SCG5: variants seen among roughly 807,000 people sequenced by gnomAD.
SCG5 encodes secretogranin V.
A neutral mutation model predicts 25.7 loss-of-function variants in SCG5; 18 were observed. That is an observed-to-expected ratio of 0.70 (90% CI 0.48 to 1.04). SCG5 has a LOEUF of 1.04. SCG5 is among the 50% of genes least tolerant of loss of function. The pLI, the probability that SCG5 is intolerant of heterozygous loss-of-function variation, is 0.00. For missense variants in SCG5, 206 were observed against 259.8 expected, an observed-to-expected ratio of 0.79 and a Z score of 1.42; for synonymous variants, 101 against 91.7, an observed-to-expected ratio of 1.10 and a Z score of -0.58.
chr15:32,650,292 G>A (rs1483475148), intron 2 of SCG5, among the ~76,000 whole-genome samples: 3 of 151,942 alleles, frequency 2.0e-5, no homozygotes, highest in East Asian at 1.9e-4. Flanking sequence ...TAGTAGAGAC[G>A]GGGTTTCACC....
intron 4 of SCG5, among the ~76,000 whole-genome samples, chr15:32,690,900 T>A (rs2054839754): frequency 6.7e-6 from 1 of 149,766 alleles, no homozygotes; most frequent in African/African-American, 2.5e-5. Context: ...AAAAATCAAA[T>A]AAATAAAACA....
chr15:32,680,490 G>A (rs1443073726), intron 3 of SCG5, among the ~76,000 whole-genome samples: 3 of 151,646 alleles, frequency 2.0e-5, no homozygotes, highest in Admixed American at 1.3e-4. Context: ...GAGCCACTGC[G>A]CCCGGCCTGC....
rs749576948 is a variant in SCG5 at position 32,696,002 on chromosome 15, GTT to G, written c.544-510_544-509del. 9.8e-5 allele frequency among the ~76,000 whole-genome samples: 15 copies of G among 152,290 alleles called. No individual in the cohort carries two copies. In the East Asian group the frequency reaches 1.2e-3, roughly 12 times the overall value. On this transcript the variant is annotated intron_variant, in intron 5 of 5. Coordinates refer to ENST00000300175, the MANE Select transcript of SCG5 (RefSeq NM_001144757.3). ...TAGAGACATCTATCAGTCAGAAAAT[GTT>G]TCATAGGCCACTGAGGTATTAATTA...
At chr15:32,677,212 C>A (rs1318341993) in intron 2 of SCG5, among the ~76,000 whole-genome samples, 4 of 152,106 alleles carry the variant, frequency 2.6e-5, no homozygotes, top group African/African-American at 7.2e-5. Context: ...CATTACAAAG[C>A]AATGAAATAT....
chr15:32,691,565 A>C (rs2054857345), intron 4 of SCG5, 145 bp from the exon 5 acceptor site: 1 of 692,556 alleles, frequency 1.4e-6, no homozygotes, highest in South Asian at 1.9e-5. Flanking sequence ...TCTTTCTGAC[A>C]CGACATTCCT....
intron 2 of SCG5, among the ~76,000 whole-genome samples, chr15:32,674,020 A>G (rs1335399415): frequency 6.6e-6 from 1 of 152,160 alleles, no homozygotes; most frequent in Non-Finnish European, 1.5e-5. Context: ...CACCCGGCCC[A>G]TTTAATATAG....
chr15:32,654,032 C>G (rs1050281934), intron 2 of SCG5, among the ~76,000 whole-genome samples: 1 of 152,208 alleles, frequency 6.6e-6, no homozygotes, highest in Non-Finnish European at 1.5e-5. Context: ...TGCACAGTGT[C>G]ATGCTTACCC....
chr15:32,645,730 T>G (rs1209496509), intron 2 of SCG5, among the ~76,000 whole-genome samples: 1 of 152,160 alleles, frequency 6.6e-6, no homozygotes, highest in East Asian at 1.9e-4. Context: ...ATAAAAGGCA[T>G]GGAGACATGA....
chr15:32,654,524 G>T (rs1328751819), intron 2 of SCG5, among the ~76,000 whole-genome samples: 1 of 152,158 alleles, frequency 6.6e-6, no homozygotes, highest in African/African-American at 2.4e-5. Context: ...TGCTTCTTTG[G>T]CTAGTTGATC....
intron 4 of SCG5, among the ~76,000 whole-genome samples, chr15:32,690,919 A>G (rs555814686): frequency 6.8e-6 from 1 of 147,226 alleles, no homozygotes; most frequent in South Asian, 2.2e-4. Context: ...CAACACAAGT[A>G]AAGCCCCCCC....
intron 2 of SCG5, among the ~76,000 whole-genome samples, chr15:32,659,377 G>A (rs2054180169): frequency 6.6e-6 from 1 of 152,154 alleles, no homozygotes; most frequent in South Asian, 2.1e-4. Flanking sequence ...GACTTCTCAT[G>A]GCAAGTTAGA....
At chr15:32,668,483 C>T (rs952870736) in intron 2 of SCG5, among the ~76,000 whole-genome samples, 6 of 152,208 alleles carry the variant, frequency 3.9e-5, no homozygotes, top group Admixed American at 6.5e-5. Flanking sequence ...ATTCCCAAGC[C>T]GTGTACCCAA....
intron 4 of SCG5, among the ~76,000 whole-genome samples, chr15:32,689,790 G>A (rs935155201): frequency 6.6e-6 from 1 of 151,944 alleles, no homozygotes; most frequent in Non-Finnish European, 1.5e-5. Flanking sequence ...AGCTCTTAAG[G>A]AGACACAGGG....
chr15:32,673,527 C>CGTGTGTGTGTGTGTGTGTGTGTGTGTGT (rs55968956), intron 2 of SCG5, among the ~76,000 whole-genome samples: 1 of 134,880 alleles, frequency 7.4e-6, no homozygotes, highest in African/African-American at 2.9e-5. Flanking sequence ...ATAAGATCCC[C>CGTGTGTGTGTGTGTGTGTGTGTGTGTGT]GTGTGTGTGT....
intron 2 of SCG5, among the ~76,000 whole-genome samples, chr15:32,662,181 A>G (rs533727144): frequency 5.3e-5 from 8 of 152,184 alleles, no homozygotes; most frequent in Non-Finnish European, 1.2e-4. Flanking sequence ...ACGTTTGTGT[A>G]CAGTCTTGAT....
intron 4 of SCG5, among the ~76,000 whole-genome samples, chr15:32,689,924 C>T (rs1021853331): frequency 1.6e-4 from 24 of 151,464 alleles, no homozygotes; most frequent in African/African-American, 5.4e-4. Flanking sequence ...TCACTGCAAG[C>T]TCTGCCTCCT....
At chr15:32,672,104 A>T (rs915336302) in intron 2 of SCG5, among the ~76,000 whole-genome samples, 1 of 152,238 alleles carries the variant, frequency 6.6e-6, no homozygotes, top group Non-Finnish European at 1.5e-5. Flanking sequence ...TCGAGACCGC[A>T]GTGTATTTTT....
chr15:32,683,417 A>T (rs564506358), intron 3 of SCG5, among the ~76,000 whole-genome samples: 2 of 152,210 alleles, frequency 1.3e-5, no homozygotes, highest in Non-Finnish European at 2.9e-5. Flanking sequence ...TTTTTAGAGC[A>T]TCATGCCTAG....
intron 5 of SCG5, among the ~76,000 whole-genome samples, chr15:32,696,070 G>T (rs971907782): frequency 6.6e-6 from 1 of 152,012 alleles, no homozygotes; most frequent in Non-Finnish European, 1.5e-5. Context: ...AGGTGCCACT[G>T]GTTACATTGT....
Sources: allele counts gnomAD v4.1 joint callset (sites outside exome capture counted in the v4.1 genomes callset), GRCh38; gene constraint gnomAD v4.1.1; transcripts MANE v1.5; gene names NCBI Gene and HGNC (gene_info 2026-07-23, HGNC 2026-07-21).